The following PRH1 variants were observed in gnomAD, a reference collection of about 807,000 sequenced individuals.
PRH1 encodes the protein salivary acidic proline-rich phosphoprotein 1/2.
Under a neutral mutation model 7.9 loss-of-function variants are expected in PRH1, and 7 were observed. That is an observed-to-expected ratio of 0.89 (90% CI 0.50 to 1.67). The LOEUF (loss-of-function observed/expected upper bound fraction) is 1.67. Among genes scored for constraint, PRH1 ranks in the 40% most tolerant of loss-of-function variants. PRH1 has a pLI of 0.00. For missense variants in PRH1, 109 were observed against 223.6 expected (o/e 0.49, Z 3.27); for synonymous variants, 45 against 80.8 (o/e 0.56, Z 2.38).
At chr12:11,030,666 G>T in intron 1 of PRH1, 1 of 1,614,168 alleles carries the variant, frequency 6.2e-7, no homozygotes, top group Middle Eastern at 1.6e-4. Context: ...GCTTTTATGT[G>T]GACCTTGGTG....
chr12:11,109,990 T>C (rs1471509886), intron 1 of PRH1, among the ~76,000 whole-genome samples: 1 of 152,040 alleles, frequency 6.6e-6, no homozygotes, highest in East Asian at 1.9e-4. Context: ...CTGATGGAGC[T>C]GAAAAGCACA....
intron 2 of PRH1, chr12:10,964,824 T>C (rs1046565657): frequency 1.8e-6 from 1 of 561,272 alleles, no homozygotes; most frequent in Admixed American, 2.3e-5. Flanking sequence ...GTTACAGTCA[T>C]ATCTGAAAGG....
rs139253542 is a variant in PRH1, at chr12:10,922,825, C to CTTTTTTTTTTTTTTTTTTT, written c.-58-38551_-58-38550insAAAAAAAAAAAAAAAAAAA. The stretch of plus-strand genomic sequence containing the variant: ...ATTGCATCTTTTCCATGAATTTTTT[C>CTTTTTTTTTTTTTTTTTTT]TTTTTCTTTTTTTTGAGACGGAGTC... On this transcript the variant is annotated intron_variant, in intron 2 of 3. Coordinates refer to the PRH1 transcript ENST00000539853. Among the ~76,000 whole-genome samples the CTTTTTTTTTTTTTTTTTTT allele has an allele frequency of 7.9e-5, 9 of 113,576 alleles. 3 individuals carry two copies. Among genetic ancestry groups the CTTTTTTTTTTTTTTTTTTT allele is most frequent in the South Asian group, 3.4e-4 (1 of 2,964 alleles). 74.5% of individuals were successfully genotyped at this position (113,576 alleles called of 152,430 possible).
At chr12:11,127,622 A>G (rs1946179421) in intron 1 of PRH1, among the ~76,000 whole-genome samples, 1 of 148,042 alleles carries the variant, frequency 6.8e-6, no homozygotes, top group Non-Finnish European at 1.5e-5. Flanking sequence ...ACACATTCAC[A>G]CACACACACA....
At chr12:11,152,238 C>T (rs1164826319) in intron 1 of PRH1, among the ~76,000 whole-genome samples, 2 of 118,918 alleles carry the variant, frequency 1.7e-5, no homozygotes, top group African/African-American at 6.3e-5. Flanking sequence ...CCCCCTCCCC[C>T]CACCCCACAA....
chr12:10,900,001 C>T (rs1015094889), intron 2 of PRH1, among the ~76,000 whole-genome samples: 3 of 152,076 alleles, frequency 2.0e-5, no homozygotes, highest in Non-Finnish European at 2.9e-5. Context: ...GAAAAAAATA[C>T]CAACCTACAT....
intron 1 of PRH1, among the ~76,000 whole-genome samples, chr12:11,004,469 C>T (rs1380349465): frequency 1.3e-5 from 2 of 152,102 alleles, no homozygotes; most frequent in Non-Finnish European, 2.9e-5. Context: ...CACACCACTG[C>T]ACTCCAACCT....
intron 1 of PRH1, among the ~76,000 whole-genome samples, chr12:11,103,681 G>A (rs1376932198): frequency 6.6e-6 from 1 of 151,530 alleles, no homozygotes; most frequent in Non-Finnish European, 1.5e-5. Flanking sequence ...AGAACTTAAA[G>A]TAAAATAAAA....
chr12:11,070,383 CAT>C lies in PRH1; in HGVS notation n.124-23197_124-23196del, dbSNP rs1944010328. 2.0e-5 allele frequency among the ~76,000 whole-genome samples: 3 copies of C among 147,216 alleles called. No individual in the cohort carries two copies. In the South Asian group the frequency reaches 6.4e-4, roughly 31 times the overall value. On this transcript the variant is annotated intron_variant and non_coding_transcript_variant, in intron 1 of 4. Coordinates refer to the PRH1 transcript ENST00000541977. ...TCCAAAGTGTTAGCAGGCTACCACA[CAT>C]GTGAGCAGCCCACCCTAAGGGGCTG...
chr12:10,930,341 A>C (rs778790830), intron 2 of PRH1: 2 of 1,597,860 alleles, frequency 1.3e-6, no homozygotes, highest in East Asian at 2.2e-5. Context: ...CTCTGTCTCC[A>C]TTTTTCCCTG....
intron 2 of PRH1, among the ~76,000 whole-genome samples, chr12:10,902,981 C>A (rs927874865): frequency 2.0e-5 from 3 of 152,050 alleles, no homozygotes; most frequent in African/African-American, 7.2e-5. Context: ...CTAACAACTT[C>A]AAAATAGAAT....
intron 2 of PRH1, among the ~76,000 whole-genome samples, chr12:10,934,122 T>G (rs1950252289): frequency 6.6e-6 from 1 of 152,144 alleles, no homozygotes; most frequent in Non-Finnish European, 1.5e-5. Flanking sequence ...AAAGGCCTAG[T>G]CTTCGAATTT....
chr12:11,036,326 G>A (rs1192190656), intron 1 of PRH1, among the ~76,000 whole-genome samples: 2 of 152,174 alleles, frequency 1.3e-5, no homozygotes, highest in Admixed American at 6.5e-5. Flanking sequence ...TAAGTCCCAT[G>A]GAAACAAAAC....
At chr12:11,140,975 T>C (rs1254271584) in intron 1 of PRH1, among the ~76,000 whole-genome samples, 3 of 151,972 alleles carry the variant, frequency 2.0e-5, no homozygotes, top group East Asian at 1.9e-4. Context: ...AAAAGGCCAA[T>C]AGTCCTTAAA....
chr12:11,100,246 T>C (rs2597974), intron 1 of PRH1, among the ~76,000 whole-genome samples: 113,339 of 152,106 alleles, frequency 0.75, 44,742 homozygotes, highest in East Asian at 0.96. Context: ...GATGGAACAC[T>C]GAAAATAGGC....
At chr12:10,964,333 T>G (rs1591736829) in intron 2 of PRH1, 2 of 175,622 alleles carry the variant, frequency 1.1e-5, no homozygotes, top group East Asian at 2.7e-4. Flanking sequence ...AAACATACAA[T>G]ACAGAAAAAC....
At chr12:10,986,804 G>A (rs559886995) in intron 1 of PRH1, 26 of 1,571,822 alleles carry the variant, frequency 1.7e-5, no homozygotes, top group Middle Eastern at 1.7e-4. Context: ...CAAAGTTTCC[G>A]AGAACAAATA....
intron 1 of PRH1, among the ~76,000 whole-genome samples, chr12:11,153,006 G>A (rs1947145794): frequency 6.6e-6 from 1 of 152,168 alleles, no homozygotes; most frequent in African/African-American, 2.4e-5. Context: ...TCATGACCCT[G>A]TTTCCAACGG....
chr12:11,111,399 G>A (rs187331252), intron 1 of PRH1, among the ~76,000 whole-genome samples: 7 of 152,248 alleles, frequency 4.6e-5, no homozygotes, highest in African/African-American at 1.7e-4. Flanking sequence ...CACATAAGTG[G>A]AAGTGAAACA....
Sources: allele counts gnomAD v4.1 joint callset (sites outside exome capture counted in the v4.1 genomes callset), GRCh38; gene constraint gnomAD v4.1.1; transcripts MANE v1.5; gene names NCBI Gene and HGNC (gene_info 2026-07-23, HGNC 2026-07-21).